FRAS1: variants seen among roughly 807,000 people sequenced by gnomAD.
The protein encoded by FRAS1 is extracellular matrix organizing protein FRAS1.
In FRAS1, 290 loss-of-function variants were observed where a neutral mutation model predicts 435.2. That is an observed-to-expected ratio of 0.67 (90% CI 0.61 to 0.73). The LOEUF is 0.73. FRAS1 is among the 30% of genes least tolerant of loss of function. The pLI is 0.00. For synonymous variants in FRAS1, 1,800 were observed against 1,851.0 expected, an observed-to-expected ratio of 0.97 and a Z score of 0.71; for missense variants, 4,860 against 5,001.5, an observed-to-expected ratio of 0.97 and a Z score of 0.85.
intron 31 of FRAS1, among the ~76,000 whole-genome samples, 167 bp downstream of exon 31, chr4:78,408,008 A>G (rs1733172219): frequency 1.3e-5 from 2 of 152,324 alleles, no homozygotes; most frequent in South Asian, 4.1e-4. Context: ...AGACTGGGTA[A>G]TTTACACAGA....
Position 78,282,383 on chromosome 4 carries a change from C to A in FRAS1, c.1108-437C>A, listed in dbSNP as rs185588024. On this transcript the variant is annotated intron_variant, in intron 11 of 73. Transcript: ENST00000512123. Reference sequence around the variant, plus strand: ...CAACTGTTAACTCTTACTGTGGTAACCATAGGGAAATTCAGGTTTTTAGCC... The same window carrying A: ...CAACTGTTAACTCTTACTGTGGTAAACATAGGGAAATTCAGGTTTTTAGCC... Among the ~76,000 whole-genome samples, 327 of 152,268 alleles carry A rather than the reference C, an allele frequency of 2.1e-3. 2 individuals are homozygous for A. The highest frequency in any genetic ancestry group is 7.7e-3 in the African/African-American group (322 of 41,558).
rs781545419 is a variant in FRAS1, at chr4:78,519,337, G to A, written c.10396G>A (p.Asp3466Asn). 8.9e-5 allele frequency: 137 copies of A among 1,536,678 alleles called. No homozygotes were observed. The highest frequency in any genetic ancestry group is 1.1e-4 in the Non-Finnish European group (126 of 1,146,384). The change falls in exon 67 of 74, where the codon GAC becomes AAC. Residue 3466 changes from aspartate to asparagine, a missense_variant. Asp to Asn is a conservative substitution (Grantham distance 23, BLOSUM62 1). Transcript: ENST00000512123. Reference sequence around the variant, plus strand: ...CATACTGCTTCCTCGGCAGGTGAGGGACTCTGCCCAGTCCTTCTTGACAGT... The same window carrying A: ...CATACTGCTTCCTCGGCAGGTGAGGAACTCTGCCCAGTCCTTCTTGACAGT... ...GSVTADFQVR[D>N]SAQSFLTVHV... is the part of the protein sequence containing the mutation.
At chr4:78,108,875 G>A (rs1157880992) in intron 2 of FRAS1, among the ~76,000 whole-genome samples, 3 of 129,108 alleles carry the variant, frequency 2.3e-5, no homozygotes, top group Admixed American at 1.7e-4. Context: ...GAAAAAAAGA[G>A]AGAAGAATCA....
intron 9 of FRAS1, among the ~76,000 whole-genome samples, chr4:78,275,090 A>G (rs530908125): frequency 0.025 from 3,870 of 151,992 alleles, 164 homozygotes; most frequent in African/African-American, 0.087. Flanking sequence ...GTCTCTTTTT[A>G]ATCTTTCTTG....
chr4:78,149,752 C>T (rs529194401), intron 2 of FRAS1, among the ~76,000 whole-genome samples: 1 of 152,288 alleles, frequency 6.6e-6, no homozygotes, highest in South Asian at 2.1e-4. Context: ...TTCCTCAAGA[C>T]AGGCATTTAG....
At chr4:78,111,784 C>T (rs568152378) in intron 2 of FRAS1, among the ~76,000 whole-genome samples, 1 of 147,664 alleles carries the variant, frequency 6.8e-6, no homozygotes, top group African/African-American at 2.5e-5. Flanking sequence ...AGATGAGGTT[C>T]TGTCTGTTTT....
chr4:78,397,398 C>A (rs903684311), intron 29 of FRAS1, among the ~76,000 whole-genome samples: 4 of 152,164 alleles, frequency 2.6e-5, no homozygotes, highest in Non-Finnish European at 5.9e-5. Context: ...AGGTTGCGTG[C>A]CTTCTACCCA....
chr4:78,290,886 C>G (rs72657042), intron 14 of FRAS1, among the ~76,000 whole-genome samples: 20 of 149,918 alleles, frequency 1.3e-4, no homozygotes, highest in African/African-American at 3.9e-4. Flanking sequence ...CCTGCCTCAG[C>G]CTTCCAAGTA....
At chr4:78,375,709 A>G (rs1451364947) in intron 25 of FRAS1, 30 bp from the exon 26 acceptor site, 5 of 1,527,194 alleles carry the variant, frequency 3.3e-6, no homozygotes, top group Non-Finnish European at 4.4e-6. Flanking sequence ...GCCTTGATTG[A>G]GCCTCATTTA....
At chr4:78,496,728 A>G in intron 59 of FRAS1, 77 bp from the exon 60 acceptor site, 2 of 1,319,430 alleles carry the variant, frequency 1.5e-6, no homozygotes, top group Non-Finnish European at 2.1e-6. Context: ...AAGAAGAAAG[A>G]TAGTTTTCTA....
At chr4:78,330,386 A>G (rs765027134) in intron 18 of FRAS1, among the ~76,000 whole-genome samples, 34 of 152,200 alleles carry the variant, frequency 2.2e-4, no homozygotes, top group Non-Finnish European at 4.4e-4. Flanking sequence ...TTTGAGCAAT[A>G]TGAAATCTGG....
intron 14 of FRAS1, among the ~76,000 whole-genome samples, chr4:78,292,187 A>G (rs1262640241): frequency 1.3e-5 from 2 of 152,234 alleles, no homozygotes; most frequent in Non-Finnish European, 2.9e-5. Context: ...GCTTTCTGCC[A>G]TTAATGTCTC....
Position 78,534,529 on chromosome 4 carries a change from G to A in FRAS1, c.11006G>A (p.Cys3669Tyr). The A allele has an allele frequency of 6.2e-7, 1 of 1,613,670 alleles. No individual in the cohort carries two copies. Among genetic ancestry groups the A allele is most frequent in the Non-Finnish European group, 8.5e-7 (1 of 1,179,672 alleles). Residue 3669 changes from cysteine to tyrosine, a missense_variant, in exon 71 of 74, where the codon TGC (cysteine) becomes TAC (tyrosine). Physicochemically the swap from Cys to Tyr is radical, Grantham distance 194. Transcript: ENST00000512123. ...TCACTTAACACTGAATTTCAGCTCT[G>A]CAATAATGAGAAGGTGTTCCTAATG... ...VYSLNTEFQL[C>Y]NNEKVFLMDP...
chr4:78,483,064 C>T (rs11098197), intron 58 of FRAS1, among the ~76,000 whole-genome samples: 106,502 of 152,010 alleles, frequency 0.7, 40,009 homozygotes, highest in East Asian at 1. Flanking sequence ...ATTTGGGGAA[C>T]AGACCCTTAC....
At chr4:78,154,482 C>T (rs1720798296) in intron 2 of FRAS1, among the ~76,000 whole-genome samples, 1 of 152,120 alleles carries the variant, frequency 6.6e-6, no homozygotes, top group Non-Finnish European at 1.5e-5. Flanking sequence ...GTCATATACC[C>T]ACCACCCACC....
chr4:78,115,047 T>G (rs1271323820), intron 2 of FRAS1, among the ~76,000 whole-genome samples: 2 of 152,138 alleles, frequency 1.3e-5, no homozygotes, highest in Non-Finnish European at 2.9e-5. Flanking sequence ...GAAGGATTGT[T>G]GAATTTTGTC....
intron 32 of FRAS1, among the ~76,000 whole-genome samples, chr4:78,415,586 C>T (rs1452539960): frequency 6.6e-6 from 1 of 151,986 alleles, no homozygotes; most frequent in South Asian, 2.1e-4. Context: ...TGAGGAGCAA[C>T]AGGTGAAAAA....
intron 63 of FRAS1, among the ~76,000 whole-genome samples, chr4:78,509,673 G>C (rs1380670423): frequency 7.2e-5 from 11 of 152,202 alleles, no homozygotes; most frequent in Non-Finnish European, 1.5e-4. Context: ...GACACCATCA[G>C]AGAACAATGA....
chr4:78,285,047 T>G (rs1047329047), intron 13 of FRAS1, among the ~76,000 whole-genome samples: 1 of 152,174 alleles, frequency 6.6e-6, no homozygotes, highest in African/African-American at 2.4e-5. Context: ...AGAGCTTATC[T>G]CTTATGGGCT....
Sources: allele counts gnomAD v4.1 joint callset (sites outside exome capture counted in the v4.1 genomes callset), GRCh38; gene constraint gnomAD v4.1.1; transcripts MANE v1.5; gene names NCBI Gene and HGNC (gene_info 2026-07-23, HGNC 2026-07-21).